The following RPP40 variants were observed in gnomAD, a reference collection of about 807,000 sequenced individuals.
RPP40 encodes the protein ribonuclease P protein subunit p40.
A neutral mutation model predicts 42.5 loss-of-function variants in RPP40; 30 were observed. That is an observed-to-expected ratio of 0.71 (90% CI 0.53 to 0.96). The LOEUF (loss-of-function observed/expected upper bound fraction) is 0.96. RPP40 is among the 40% of genes least tolerant of loss of function. The pLI is 0.00. For synonymous variants in RPP40, 173 were observed against 164.0 expected (o/e 1.05, Z -0.42); for missense variants, 426 against 433.5 (o/e 0.98, Z 0.15).
intron 2 of RPP40, among the ~76,000 whole-genome samples, chr6:5,000,851 C>A (rs1041300520): frequency 6.8e-6 from 1 of 148,010 alleles, no homozygotes; most frequent in Non-Finnish European, 1.5e-5. Context: ...ACCAAGCATG[C>A]AGAAGACCAA....
At chr6:5,000,490 CT>C (rs10631918) in intron 3 of RPP40, 72 bp downstream of exon 3, 41,506 of 683,722 alleles carry the variant, frequency 0.061, 503 homozygotes, top group Non-Finnish European at 0.064. Context: ...GCCCAGCTGA[CT>C]TTTTTTTTTT....
intron 5 of RPP40, among the ~76,000 whole-genome samples, chr6:4,998,345 T>A (rs942282383): frequency 6.6e-6 from 1 of 152,242 alleles, no homozygotes; most frequent in African/African-American, 2.4e-5. Context: ...TACCCTGTGA[T>A]AATAAATAAG....
chr6:4,999,698 T>A (rs1262084638), intron 4 of RPP40, 111 bp downstream of exon 4: 13 of 658,542 alleles, frequency 2.0e-5, no homozygotes. Context: ...TTGACAGATT[T>A]TTTTTAAAAG....
chr6:5,000,253 T>C (rs1374634227), intron 3 of RPP40, among the ~76,000 whole-genome samples: 1 of 152,178 alleles, frequency 6.6e-6, no homozygotes, highest in Non-Finnish European at 1.5e-5. Flanking sequence ...AGTGGCGCAA[T>C]CTTGGCTCAC....
intron 1 of RPP40, chr6:5,003,521 G>T: frequency 5.3e-6 from 1 of 186,968 alleles, no homozygotes; most frequent in Non-Finnish European, 1.1e-5. Context: ...CGAGGTGCAC[G>T]TGGCTGCCCC....
chr6:5,003,747 C>T (rs3762008), intron 1 of RPP40, 133 bp downstream of exon 1: 233,523 of 1,191,184 alleles, frequency 0.2, 23,746 homozygotes, highest in Admixed American at 0.28. Flanking sequence ...CAACTCCCAG[C>T]AAGCCGGGCG....
In RPP40 at chr6:4,995,848, C is replaced by T. The variant is rs1027266244; in HGVS notation, c.893+103G>A. ...GGCGATTTGAGTTCCTTTCAATGTA[C>T]ATTTTATTTATATACCACCTCCCAA... On this transcript the variant is annotated intron_variant, in intron 7 of 7. Coordinates refer to ENST00000380051, the MANE Select transcript of RPP40 (RefSeq NM_006638.4). 3.5e-6 allele frequency: 4 copies of T among 1,133,108 alleles called. No individual in the cohort carries two copies. In the African/African-American group the frequency reaches 4.7e-5, roughly 13 times the overall value. The allele number at this position is 1,133,108 out of a possible 1,614,324, so 70.2% of individuals were successfully genotyped here.
intron 1 of RPP40, 103 bp from the exon 2 acceptor site, chr6:5,002,348 G>A: frequency 1.0e-6 from 1 of 989,956 alleles, no homozygotes. Context: ...TTCTCCACGA[G>A]TTTCACTGGA....
Position 5,003,861 on chromosome 6 carries a change from C to T in RPP40, c.123+19G>A, listed in dbSNP as rs200518177. 2.9e-5 allele frequency: 47 copies of T among 1,598,960 alleles called. No homozygotes were observed. In the East Asian group the frequency reaches 5.9e-4, roughly 20 times the overall value. ...GGGGACTGAGCACGGCCCGAAAAGC[C>T]GAGGACAGCCGGACTCACCCTGTAG... On this transcript the variant is annotated intron_variant, in intron 1 of 7. Coordinates refer to ENST00000380051, the MANE Select transcript of RPP40 (RefSeq NM_006638.4).
chr6:4,990,619 G>A (rs963014165), downstream of RPP40, among the ~76,000 whole-genome samples: 5 of 151,286 alleles, frequency 3.3e-5, no homozygotes, highest in Admixed American at 3.3e-4. Flanking sequence ...AAGTAGCTAG[G>A]ACTACAGGCA....
At chr6:5,000,191 ATCT>A (rs1759506746) in intron 3 of RPP40, among the ~76,000 whole-genome samples, 2 of 152,150 alleles carry the variant, frequency 1.3e-5, no homozygotes, top group Non-Finnish European at 2.9e-5. Context: ...TCTTTTGAAT[ATCT>A]TCTTTTTTTT....
At chr6:4,990,094 TG>T (rs1447614038), downstream of RPP40, among the ~76,000 whole-genome samples, 1 of 152,240 alleles carries the variant, frequency 6.6e-6, no homozygotes, top group African/African-American at 2.4e-5. Flanking sequence ...TTGATCAGAT[TG>T]AAGAAGTGTT....
Position 5,004,006 on chromosome 6 carries a change from C to CTCCTGGGT in RPP40, c.-12_-5dup, listed in dbSNP as rs557765486. The CTCCTGGGT allele has an allele frequency of 1.9e-3, 3,038 of 1,600,940 alleles. 56 individuals carry two copies. In the African/African-American group the frequency reaches 0.036, roughly 19 times the overall value. On this transcript the variant is annotated 5_prime_UTR_variant, in exon 1 of 8. Coordinates refer to ENST00000380051, the MANE Select transcript of RPP40 (RefSeq NM_006638.4). The stretch of plus-strand genomic sequence containing the variant: ...GAAGCCGGCGCAGCGTGGCCATGCT[C>CTCCTGGGT]TCCTGGGTTCCTGGTCCTCCCGGCC...
Position 4,996,156 on chromosome 6 carries a change from T to G in RPP40, c.758+66A>C, listed in dbSNP as rs558805825. On this transcript the variant is annotated intron_variant, in intron 6 of 7. Coordinates refer to ENST00000380051, the MANE Select transcript of RPP40 (RefSeq NM_006638.4). ...CATCACATGATCACTTCCAAAGTAT[T>G]AAACTCCTATTAAAAACAAGCAGCA... 2.5e-6 allele frequency: 4 copies of G among 1,605,774 alleles called. No homozygotes were observed. In the South Asian group the frequency reaches 4.4e-5, roughly 18 times the overall value.
Position 4,994,951 on chromosome 6 carries a change from G to T in RPP40, c.*127C>A. On this transcript the variant is annotated 3_prime_UTR_variant, in exon 8 of 8. Coordinates refer to ENST00000380051, the MANE Select transcript of RPP40 (RefSeq NM_006638.4). ...ATGGGTCTCAGGTGCAGGGCAGGAT[G>T]CCAGCAAATGCTGATCTGAGAAATG... 1 of 813,514 alleles carries T rather than the reference G, an allele frequency of 1.2e-6. No individual in the cohort carries two copies. Among genetic ancestry groups the T allele is most frequent in the Non-Finnish European group, 1.9e-6 (1 of 523,880 alleles). The allele number at this position is 813,514 out of a possible 1,614,324, so 50.4% of individuals were successfully genotyped here.
At position 5,001,978 on chromosome 6, in the gene RPP40, C is replaced by A; in HGVS notation, c.268+123G>T. On this transcript the variant is annotated intron_variant, in intron 2 of 7. Coordinates refer to ENST00000380051, the MANE Select transcript of RPP40 (RefSeq NM_006638.4). Reference sequence around the variant, plus strand: ...GAATGCGGGGGAGAACGCGTGTGCACCTGACCACACAGACTATACCACAGG... The same window carrying A: ...GAATGCGGGGGAGAACGCGTGTGCAACTGACCACACAGACTATACCACAGG... The A allele has an allele frequency of 4.9e-6, 4 of 812,490 alleles. No individual in the cohort carries two copies. In the South Asian group the frequency reaches 7.9e-5, roughly 16 times the overall value. The allele number at this position is 812,490 out of a possible 1,614,324, so 50.3% of individuals were successfully genotyped here. A position where few individuals can be genotyped will look rare whatever the true frequency, so the allele number is the denominator to read the frequency against.
In RPP40 at chr6:4,996,241, C is replaced by G. The variant is rs574413302; in HGVS notation, c.739G>C (p.Val247Leu). Reference protein sequence around the residue: ...ALELFDWLGAVFSNVDLNNEP... With the variant: ...ALELFDWLGALFSNVDLNNEP... ...ACCCACAGGTCGACATTACTGAAGA[C>G]GGCGCCGAGCCAGTCGAAGAGCTCC... The change falls in exon 6 of 8, where the codon GTC becomes CTC. Residue 247 changes from valine to leucine, a missense_variant. Transcript: ENST00000380051. 2.3e-5 allele frequency: 37 copies of G among 1,613,692 alleles called. No individual in the cohort carries two copies. Among genetic ancestry groups the G allele is most frequent in the Non-Finnish European group, 3.0e-5 (35 of 1,179,950 alleles).
intron 5 of RPP40, among the ~76,000 whole-genome samples, chr6:4,998,209 C>T (rs1451135364): frequency 1.3e-5 from 2 of 152,218 alleles, no homozygotes; most frequent in Admixed American, 1.3e-4. Flanking sequence ...AAAGGAGCAA[C>T]ATACATGGCC....
intron 2 of RPP40, chr6:5,001,119 C>T (rs772799148): frequency 2.8e-5 from 13 of 456,714 alleles, no homozygotes; most frequent in South Asian, 2.0e-4. Flanking sequence ...GAGAGGGGTC[C>T]AAAGTAGAAT....
Sources: gnomAD v4.1 joint callset for allele counts (sites outside exome capture counted in the v4.1 genomes callset) on GRCh38, gnomAD v4.1.1 for gene constraint, MANE v1.5 for transcripts, NCBI Gene and HGNC (gene_info 2026-07-23, HGNC 2026-07-21) for gene names.